The following PEPD variants were observed in gnomAD, a reference collection of about 807,000 sequenced individuals.
PEPD encodes the protein xaa-Pro dipeptidase.
A neutral mutation model predicts 60.7 loss-of-function variants in PEPD; 53 were observed. That is an observed-to-expected ratio of 0.87 (90% CI 0.70 to 1.10). The LOEUF is 1.10. PEPD is among the 50% of genes least tolerant of loss of function. The pLI, the probability that PEPD is intolerant of heterozygous loss-of-function variation, is 0.00. For missense variants in PEPD, 711 were observed against 711.9 expected (o/e 1.00, Z 0.01); for synonymous variants, 267 against 284.1 (o/e 0.94, Z 0.60).
chr19:33,515,834 G>A (rs2145360848), intron 1 of PEPD, among the ~76,000 whole-genome samples: 1 of 152,210 alleles, frequency 6.6e-6, no homozygotes, highest in Middle Eastern at 3.4e-3. Flanking sequence ...GCTCCCCATG[G>A]CCTGACACCA....
intron 6 of PEPD, among the ~76,000 whole-genome samples, chr19:33,483,985 A>G (rs1268188667): frequency 6.6e-6 from 1 of 152,166 alleles, no homozygotes; most frequent in Non-Finnish European, 1.5e-5. Context: ...CATGGTTGTG[A>G]GGCCAGCAGC....
At chr19:33,392,348 C>T (rs147533324) in intron 12 of PEPD, among the ~76,000 whole-genome samples, 136 of 152,344 alleles carry the variant, frequency 8.9e-4, no homozygotes, top group Middle Eastern at 3.4e-3. Flanking sequence ...CCCACGGGTG[C>T]GCCCGTCCCA....
chr19:33,396,381 G>A (rs1968362640), intron 12 of PEPD, among the ~76,000 whole-genome samples: 2 of 152,084 alleles, frequency 1.3e-5, no homozygotes, highest in African/African-American at 4.8e-5. Flanking sequence ...GTGCTGCTGG[G>A]CCCCTCTCCC....
At chr19:33,410,744 G>A (rs1340788666) in intron 11 of PEPD, among the ~76,000 whole-genome samples, 1 of 152,190 alleles carries the variant, frequency 6.6e-6, no homozygotes, top group Non-Finnish European at 1.5e-5. Flanking sequence ...CCAAAGAACT[G>A]GGAGGGACAA....
At chr19:33,437,748 T>C (rs989829767) in intron 9 of PEPD, among the ~76,000 whole-genome samples, 3 of 152,104 alleles carry the variant, frequency 2.0e-5, no homozygotes, top group Non-Finnish European at 4.4e-5. Flanking sequence ...GTGGTGTCAT[T>C]AGGAGGAGAC....
At chr19:33,446,001 G>A (rs958140514) in intron 9 of PEPD, among the ~76,000 whole-genome samples, 3 of 152,200 alleles carry the variant, frequency 2.0e-5, no homozygotes, top group Admixed American at 1.3e-4. Context: ...AGGAAGGGCC[G>A]CCTGTCCAAA....
intron 3 of PEPD, among the ~76,000 whole-genome samples, chr19:33,504,759 CA>C (rs74174667): frequency 1.0e-3 from 138 of 137,022 alleles, no homozygotes; most frequent in Non-Finnish European, 8.9e-4. Context: ...AACTCTGTCT[CA>C]AAAAAAAAAA....
At chr19:33,484,446 C>T (rs764764904) in intron 6 of PEPD, among the ~76,000 whole-genome samples, 7 of 152,134 alleles carry the variant, frequency 4.6e-5, no homozygotes, top group Admixed American at 3.3e-4. Flanking sequence ...GATGCACACA[C>T]GCAGACACAC....
At chr19:33,502,880 T>C (rs1168846721) in intron 3 of PEPD, among the ~76,000 whole-genome samples, 2 of 139,638 alleles carry the variant, frequency 1.4e-5, no homozygotes, top group East Asian at 2.2e-4. Flanking sequence ...GTGTGTTTTG[T>C]CCAATTCTTT....
At chr19:33,506,762 A>G (rs1970821079) in intron 3 of PEPD, among the ~76,000 whole-genome samples, 1 of 145,148 alleles carries the variant, frequency 6.9e-6, no homozygotes, top group Non-Finnish European at 1.5e-5. Flanking sequence ...CCCATCACAA[A>G]AAACCTACAC....
intron 7 of PEPD, among the ~76,000 whole-genome samples, chr19:33,474,927 C>T (rs933717487): frequency 6.6e-6 from 1 of 151,196 alleles, no homozygotes; most frequent in Non-Finnish European, 1.5e-5. Flanking sequence ...CTGCAGCAAG[C>T]TACGATCATG....
rs1042708668 is a variant in PEPD, at chr19:33,481,517, G to T, written c.504-3427C>A. ...GGAGGCTGAGCATGCAGTGAGCCGA[G>T]ATCGTGCCATTGCACTCCAGCCTGG... On this transcript the variant is annotated intron_variant, in intron 6 of 14. Coordinates refer to ENST00000244137, the MANE Select transcript of PEPD (RefSeq NM_000285.4). 1.4e-4 allele frequency among the ~76,000 whole-genome samples: 21 copies of T among 152,114 alleles called. 1 individual carries two copies. Among genetic ancestry groups the T allele is most frequent in the Non-Finnish European group, 2.8e-4 (19 of 68,040 alleles).
At chr19:33,507,565 T>C (rs1248515908) in intron 3 of PEPD, among the ~76,000 whole-genome samples, 2 of 152,150 alleles carry the variant, frequency 1.3e-5, no homozygotes, top group East Asian at 3.9e-4. Flanking sequence ...GACTTTGGAT[T>C]GCAGTATCTG....
rs1222577612 is a variant in PEPD, at chr19:33,512,945, C to T, written c.18-169G>A. ...CTTATGACCCAGAAACAGCCCCTCA[C>T]TGATCCCCCTGAGGACCACAGGGGC... is the stretch of plus-strand genomic sequence containing the variant. On this transcript the variant is annotated intron_variant, in intron 1 of 14. Transcript: ENST00000244137. 2.6e-5 allele frequency among the ~76,000 whole-genome samples: 4 copies of T among 152,070 alleles called. No individual in the cohort carries two copies. In the East Asian group the frequency reaches 5.8e-4, roughly 22 times the overall value.
chr19:33,401,237 C>T (rs535484668), intron 12 of PEPD, among the ~76,000 whole-genome samples: 21 of 152,360 alleles, frequency 1.4e-4, no homozygotes, highest in Non-Finnish European at 2.8e-4. Flanking sequence ...GTGCTTTACA[C>T]AGCTTAACTC....
At chr19:33,438,779 G>A (rs1352407113) in intron 9 of PEPD, among the ~76,000 whole-genome samples, 5 of 152,240 alleles carry the variant, frequency 3.3e-5, no homozygotes, top group Non-Finnish European at 5.9e-5. Flanking sequence ...GCAGTGGCAC[G>A]ATCTCAGCTC....
intron 7 of PEPD, among the ~76,000 whole-genome samples, chr19:33,476,417 G>T (rs1970216275): frequency 6.6e-6 from 1 of 152,084 alleles, no homozygotes; most frequent in South Asian, 2.1e-4. Flanking sequence ...CCCCATCTCA[G>T]TGACACACCA....
intron 1 of PEPD, among the ~76,000 whole-genome samples, chr19:33,514,804 G>C (rs1465399177): frequency 6.6e-6 from 1 of 151,920 alleles, no homozygotes; most frequent in East Asian, 2.0e-4. Flanking sequence ...GCCCCTGCTG[G>C]GTTTCTGACC....
rs114122147 is a variant in PEPD, at chr19:33,478,237, T to C, written c.504-147A>G. 2.3e-3 allele frequency: 1,611 copies of C among 709,240 alleles called. 20 individuals carry two copies. The African/African-American group carries it at 0.024, about 11-fold the overall frequency. The allele number at this position is 709,240 out of a possible 1,614,324, so 43.9% of individuals were successfully genotyped here. A position where few individuals can be genotyped will look rare whatever the true frequency, so the allele number is the denominator to read the frequency against. Reference sequence around the variant, plus strand: ...GACTTCCTGACCCACAAAAGGCCTGTTGATCCCTTCCTTCAGCAGACCTGG... The same window carrying C: ...GACTTCCTGACCCACAAAAGGCCTGCTGATCCCTTCCTTCAGCAGACCTGG... On this transcript the variant is annotated intron_variant, in intron 6 of 14. Transcript: ENST00000244137.
Sources: gnomAD v4.1 joint callset for allele counts (sites outside exome capture counted in the v4.1 genomes callset) on GRCh38, gnomAD v4.1.1 for gene constraint, MANE v1.5 for transcripts, NCBI Gene and HGNC (gene_info 2026-07-23, HGNC 2026-07-21) for gene names.